Variants in SLC24A2 observed in about 807,000 individuals in gnomAD.
SLC24A2 encodes sodium/potassium/calcium exchanger 2.
A neutral mutation model predicts 62.0 loss-of-function variants in SLC24A2; 36 were observed. The ratio of observed to expected loss-of-function variants is 0.58; its 90% CI spans 0.44 to 0.77. SLC24A2 has a LOEUF of 0.77. SLC24A2 is among the 30% of genes least tolerant of loss of function. The pLI is 0.00. For synonymous variants in SLC24A2, 358 were observed against 294.0 expected (o/e 1.22, Z -2.23); for missense variants, 846 against 817.9 (o/e 1.03, Z -0.42).
chr9:19,563,875 G>A (rs796477841), intron 7 of SLC24A2, among the ~76,000 whole-genome samples: 9 of 125,802 alleles, frequency 7.2e-5, no homozygotes, highest in Non-Finnish European at 1.1e-4. Flanking sequence ...CTTTCCTTTC[G>A]ATGGGGTCTC....
the SLC24A2 span, among the ~76,000 whole-genome samples, chr9:20,226,847 CTGTT>C: frequency 3.9e-5 from 6 of 152,218 alleles, no homozygotes; most frequent in Non-Finnish European, 5.9e-5. Context: ...GGAAACCTGA[CTGTT>C]TGCAAATAGA....
the SLC24A2 span, among the ~76,000 whole-genome samples, chr9:19,836,295 T>A: frequency 6.6e-6 from 1 of 152,122 alleles, no homozygotes; most frequent in Non-Finnish European, 1.5e-5. Context: ...AGGAGCTGGT[T>A]TTTTGAATAG....
chr9:19,568,515 T>C (rs1419624952), intron 7 of SLC24A2, among the ~76,000 whole-genome samples: 1 of 152,246 alleles, frequency 6.6e-6, no homozygotes, highest in Admixed American at 6.5e-5. Context: ...GCTTATAATG[T>C]GCCAAGAATG....
chr9:19,594,476 A>C (rs934449574), intron 5 of SLC24A2, among the ~76,000 whole-genome samples: 1 of 152,190 alleles, frequency 6.6e-6, no homozygotes, highest in African/African-American at 2.4e-5. Flanking sequence ...AAAACAAAAC[A>C]AAACCAACCA....
chr9:20,092,778 C>T, the SLC24A2 span, among the ~76,000 whole-genome samples: 1 of 152,116 alleles, frequency 6.6e-6, no homozygotes, highest in East Asian at 1.9e-4. Context: ...CATCAAATTT[C>T]TAGTAAACAA....
intron 9 of SLC24A2, among the ~76,000 whole-genome samples, chr9:19,525,312 A>T (rs1023554569): frequency 6.8e-6 from 1 of 147,254 alleles, no homozygotes. Context: ...AAACCAAGGT[A>T]TGCTTTACAT....
the SLC24A2 span, among the ~76,000 whole-genome samples, chr9:19,921,893 A>C: frequency 2.0e-5 from 3 of 152,188 alleles, no homozygotes; most frequent in African/African-American, 7.2e-5. Context: ...ATCACTTTTC[A>C]AAGTGGCCAA....
chr9:20,153,505 G>T, the SLC24A2 span, among the ~76,000 whole-genome samples: 1 of 151,712 alleles, frequency 6.6e-6, no homozygotes, highest in Non-Finnish European at 1.5e-5. Flanking sequence ...TCTGACCTAG[G>T]TACCTCATCT....
rs34321235 is a variant in SLC24A2, at chr9:19,706,379, C to CTT, written c.930+79556_930+79557dup. On this transcript the variant is annotated intron_variant, in intron 2 of 10. Coordinates refer to ENST00000341998, the MANE Select transcript of SLC24A2 (RefSeq NM_020344.4). ...CACAGCACACTGATGGGTCTTGAATCTTTTTTTTTTTTTTTTTTGAGACGG... is the reference window on the plus strand; with the variant it reads ...CACAGCACACTGATGGGTCTTGAATCTTTTTTTTTTTTTTTTTTTTGAGACGG... 2.7e-3 allele frequency among the ~76,000 whole-genome samples: 356 copies of CTT among 131,922 alleles called. 14 individuals carry two copies. The highest frequency in any genetic ancestry group is 9.2e-3 in the African/African-American group (328 of 35,510). 86.5% of individuals were successfully genotyped at this position (131,922 alleles called of 152,430 possible). A position where few individuals can be genotyped will look rare whatever the true frequency, so the allele number is the denominator to read the frequency against.
At chr9:19,525,017 C>A (rs1833368301) in intron 9 of SLC24A2, among the ~76,000 whole-genome samples, 1 of 152,168 alleles carries the variant, frequency 6.6e-6, no homozygotes, top group African/African-American at 2.4e-5. Flanking sequence ...ACAGTCCTTT[C>A]AGCCTGGACA....
the SLC24A2 span, among the ~76,000 whole-genome samples, chr9:19,883,918 A>C: frequency 6.6e-6 from 1 of 152,050 alleles, no homozygotes; most frequent in Non-Finnish European, 1.5e-5. Context: ...GGCCTTATTA[A>C]AGGTCTACCC....
At chr9:20,027,577 C>G in the SLC24A2 span, among the ~76,000 whole-genome samples, 1 of 152,096 alleles carries the variant, frequency 6.6e-6, no homozygotes, top group Non-Finnish European at 1.5e-5. Context: ...CATGATCTTC[C>G]TCATGTGAAA....
chr9:19,909,876 C>G, the SLC24A2 span, among the ~76,000 whole-genome samples: 1 of 152,024 alleles, frequency 6.6e-6, no homozygotes, highest in Non-Finnish European at 1.5e-5. Flanking sequence ...AGCACAACTT[C>G]CCTTTGTTAT....
rs997636648 is a variant in SLC24A2, at chr9:19,508,175, AATATCAAGGCTAGATGCAGG to A, written c.*7958_*7977del. On this transcript the variant is annotated 3_prime_UTR_variant, in exon 11 of 11. Transcript: ENST00000341998. ...GGAGTTTTTTGACTTGAGCAGAAGAAATATCAAGGCTAGATGCAGGGTATATATGTGTACTTTGTGTTCAG... is the reference window on the plus strand; with the variant it reads ...GGAGTTTTTTGACTTGAGCAGAAGAAGTATATATGTGTACTTTGTGTTCAG... 2 of 152,182 alleles carry A rather than the reference AATATCAAGGCTAGATGCAGG, an allele frequency of 1.3e-5. No individual in the cohort carries two copies. Among genetic ancestry groups the A allele is most frequent in the African/African-American group, 2.4e-5 (1 of 41,444 alleles). 9.4% of individuals were successfully genotyped at this position (152,182 alleles called of 1,614,324 possible).
the SLC24A2 span, among the ~76,000 whole-genome samples, chr9:20,057,236 A>T: frequency 1.3e-5 from 2 of 152,194 alleles, no homozygotes; most frequent in Non-Finnish European, 2.9e-5. Flanking sequence ...AAAAAAGCTA[A>T]ATTTGAGCGT....
chr9:20,232,308 T>A, the SLC24A2 span, among the ~76,000 whole-genome samples: 1 of 152,230 alleles, frequency 6.6e-6, no homozygotes, highest in Non-Finnish European at 1.5e-5. Flanking sequence ...TCAGAAGGAA[T>A]GATACCAGCT....
At chr9:20,128,891 T>A in the SLC24A2 span, among the ~76,000 whole-genome samples, 1 of 152,256 alleles carries the variant, frequency 6.6e-6, no homozygotes, top group Admixed American at 6.6e-5. Flanking sequence ...AGCAAAGGAC[T>A]CGTACATATG....
At chr9:20,049,286 C>T in the SLC24A2 span, among the ~76,000 whole-genome samples, 3,356 of 152,268 alleles carry the variant, frequency 0.022, 101 homozygotes, top group African/African-American at 0.072. Context: ...TGTTTGAACA[C>T]CTATGAAAAT....
At chr9:19,670,835 T>C (rs1218050647) in intron 2 of SLC24A2, among the ~76,000 whole-genome samples, 1 of 152,176 alleles carries the variant, frequency 6.6e-6, no homozygotes, top group Non-Finnish European at 1.5e-5. Flanking sequence ...CTGCTTTATC[T>C]GTGCTCGATG....
Sources: allele counts gnomAD v4.1 joint callset (sites outside exome capture counted in the v4.1 genomes callset), GRCh38; gene constraint gnomAD v4.1.1; transcripts MANE v1.5; gene names NCBI Gene and HGNC (gene_info 2026-07-23, HGNC 2026-07-21).